STXBP4: variants seen among roughly 807,000 people sequenced by gnomAD.
The protein encoded by STXBP4 is syntaxin-binding protein 4.
A neutral mutation model predicts 76.1 loss-of-function variants in STXBP4; 55 were observed. The ratio of observed to expected loss-of-function variants is 0.72; its 90% confidence interval spans 0.58 to 0.91. STXBP4 has a LOEUF of 0.91. STXBP4 is among the 40% of genes least tolerant of loss of function. The probability of loss-of-function intolerance (pLI) is 0.00; values close to 1 mark genes in which losing one functional copy is unlikely to be tolerated. For missense variants in STXBP4, 618 were observed against 636.9 expected, an observed-to-expected ratio of 0.97 and a Z score of 0.32; for synonymous variants, 201 against 220.2, an observed-to-expected ratio of 0.91 and a Z score of 0.77.
chr17:55,057,146 G>A (rs1389140932), intron 12 of STXBP4, among the ~76,000 whole-genome samples: 9 of 152,146 alleles, frequency 5.9e-5, no homozygotes, highest in African/African-American at 2.2e-4. Flanking sequence ...ATATTAGTGA[G>A]AAAATGTAAA....
At chr17:55,082,513 A>G (rs2144919885) in intron 16 of STXBP4, among the ~76,000 whole-genome samples, 1 of 152,306 alleles carries the variant, frequency 6.6e-6, no homozygotes, top group South Asian at 2.1e-4. Flanking sequence ...AATATCTAGT[A>G]GGACATTTAA....
At chr17:55,026,630 C>A (rs1022363471) in intron 8 of STXBP4, among the ~76,000 whole-genome samples, 1 of 152,144 alleles carries the variant, frequency 6.6e-6, no homozygotes, top group African/African-American at 2.4e-5. Flanking sequence ...ATTAACCCTA[C>A]CCAGCACTGG....
downstream of STXBP4, among the ~76,000 whole-genome samples, chr17:55,176,328 G>T (rs1238435933): frequency 6.6e-6 from 1 of 152,192 alleles, no homozygotes; most frequent in African/African-American, 2.4e-5. Context: ...AAATGTAAAT[G>T]ATTCGTAGAT....
At chr17:54,983,696 TG>T in intron 1 of STXBP4, among the ~76,000 whole-genome samples, 1 of 152,216 alleles carries the variant, frequency 6.6e-6, no homozygotes, top group East Asian at 1.9e-4. Flanking sequence ...TGAAACATAG[TG>T]CCAATTAATG....
intron 16 of STXBP4, among the ~76,000 whole-genome samples, chr17:55,083,748 G>A (rs1193645794): frequency 6.6e-6 from 1 of 152,158 alleles, no homozygotes; most frequent in South Asian, 2.1e-4. Flanking sequence ...CCTCAAGGTA[G>A]TTGAATTTCT....
At chr17:55,057,297 T>C (rs1313025969) in intron 12 of STXBP4, among the ~76,000 whole-genome samples, 1 of 152,204 alleles carries the variant, frequency 6.6e-6, no homozygotes, top group African/African-American at 2.4e-5. Context: ...TATTGGCAAA[T>C]AACATAGCAT....
chr17:55,080,542 T>C (rs1416697726), intron 15 of STXBP4, among the ~76,000 whole-genome samples: 1 of 152,136 alleles, frequency 6.6e-6, no homozygotes, highest in Non-Finnish European at 1.5e-5. Flanking sequence ...ATTTGCATTT[T>C]TTGAAAGTGA....
chr17:55,041,700 A>G (rs1171912824), intron 10 of STXBP4, among the ~76,000 whole-genome samples: 1 of 152,178 alleles, frequency 6.6e-6, no homozygotes, highest in Non-Finnish European at 1.5e-5. Context: ...GGTTTGTAGT[A>G]TGGTGAAATT....
At chr17:55,003,614 A>G (rs1318929202) in intron 7 of STXBP4, among the ~76,000 whole-genome samples, 1 of 152,238 alleles carries the variant, frequency 6.6e-6, no homozygotes, top group Non-Finnish European at 1.5e-5. Context: ...AAAAATATAA[A>G]CAAATTTTAA....
chr17:55,088,117 A>C (rs761289790), intron 16 of STXBP4, among the ~76,000 whole-genome samples: 3 of 152,240 alleles, frequency 2.0e-5, no homozygotes, highest in African/African-American at 4.8e-5. Context: ...TTCAAGTTTA[A>C]TAATTCAGAT....
intron 5 of STXBP4, 31 bp from the exon 6 acceptor site, chr17:54,999,601 T>A: frequency 6.3e-7 from 1 of 1,579,610 alleles, no homozygotes; most frequent in Non-Finnish European, 8.7e-7. Flanking sequence ...ATTCATAGCA[T>A]ATCCATAAAG....
chr17:55,001,432 A>G (rs2077913154), intron 7 of STXBP4, among the ~76,000 whole-genome samples: 1 of 152,214 alleles, frequency 6.6e-6, no homozygotes, highest in Non-Finnish European at 1.5e-5. Context: ...AGCCAAATGT[A>G]AAATAAAGAT....
rs1422611084 is a variant in STXBP4 at position 55,163,948 on chromosome 17, G to A, written c.*4037G>A. ...TAAAGTGTTTGCACAATTAGAAAAT[G>A]TTATCCTTTTTCTCGGGAGAAATGG... On this transcript the variant is annotated 3_prime_UTR_variant, in exon 18 of 18. Transcript: ENST00000376352. The A allele has an allele frequency of 6.6e-6, 1 of 152,608 alleles. No homozygotes were observed. The highest frequency in any genetic ancestry group is 2.4e-5 in the African/African-American group (1 of 41,438). The allele number at this position is 152,608 out of a possible 1,614,324, so 9.5% of individuals were successfully genotyped here.
At chr17:54,973,006 G>A (rs567290953) in intron 1 of STXBP4, among the ~76,000 whole-genome samples, 5 of 152,260 alleles carry the variant, frequency 3.3e-5, no homozygotes, top group South Asian at 4.1e-4. Flanking sequence ...CAAAAGTGAC[G>A]AGGAAGAAAG....
the STXBP4 span, among the ~76,000 whole-genome samples, chr17:55,200,093 T>A: frequency 1.3e-5 from 2 of 152,236 alleles, no homozygotes; most frequent in Non-Finnish European, 2.9e-5. Context: ...GTTTGTTATT[T>A]ATATTTTTAT....
intron 16 of STXBP4, among the ~76,000 whole-genome samples, chr17:55,095,646 A>G (rs2079475709): frequency 6.6e-6 from 1 of 152,236 alleles, no homozygotes; most frequent in Non-Finnish European, 1.5e-5. Flanking sequence ...TTTAAAAATA[A>G]CATTGACATA....
chr17:55,149,322 A>G (rs1469942521), intron 17 of STXBP4, among the ~76,000 whole-genome samples: 1 of 151,630 alleles, frequency 6.6e-6, no homozygotes, highest in East Asian at 1.9e-4. Flanking sequence ...CTGCGGAAGC[A>G]ATTGATGGGG....
In STXBP4 at chr17:55,078,250, T is replaced by A. The variant is rs1408637812; in HGVS notation, c.1305+56T>A. 3.6e-6 allele frequency: 4 copies of A among 1,116,136 alleles called. No individual in the cohort carries two copies. In the East Asian group the frequency reaches 9.5e-5, roughly 27 times the overall value. The allele number at this position is 1,116,136 out of a possible 1,614,324, so 69.1% of individuals were successfully genotyped here. A position where few individuals can be genotyped will look rare whatever the true frequency, so the allele number is the denominator to read the frequency against. ...TTAAAAAATATATAGGCAACTGGCA[T>A]ATAGATAAATGTTACTGTATTTGGT... On this transcript the variant is annotated intron_variant, in intron 14 of 17. Transcript: ENST00000376352.
rs147248053 is a variant in STXBP4, at chr17:55,164,062, C to G, written c.*4151C>G. On this transcript the variant is annotated 3_prime_UTR_variant, in exon 18 of 18. Coordinates refer to ENST00000376352, the MANE Select transcript of STXBP4 (RefSeq NM_178509.6). The stretch of plus-strand genomic sequence containing the variant: ...TTTACAATGTACATAAAGAACTGAA[C>G]TATTATTAAAACAACTTACACACTC... The G allele has an allele frequency of 8.6e-4, 131 of 152,676 alleles. No individual in the cohort carries two copies. Among genetic ancestry groups the G allele is most frequent in the African/African-American group, 3.0e-3 (126 of 41,526 alleles). 9.5% of individuals were successfully genotyped at this position (152,676 alleles called of 1,614,324 possible).
Sources: allele counts gnomAD v4.1 joint callset (sites outside exome capture counted in the v4.1 genomes callset), GRCh38; gene constraint gnomAD v4.1.1; transcripts MANE v1.5; gene names NCBI Gene and HGNC (gene_info 2026-07-23, HGNC 2026-07-21).